Variants in OPCML observed in about 807,000 individuals in gnomAD.
OPCML encodes the protein opioid binding protein/cell adhesion molecule like.
In OPCML, 13 loss-of-function variants were observed where a neutral mutation model predicts 37.8. The ratio of observed to expected loss-of-function variants is 0.34; its 90% CI spans 0.22 to 0.55. The LOEUF is 0.55. OPCML is among the 20% of genes least tolerant of loss of function. The pLI is 0.91. For synonymous variants in OPCML, 176 were observed against 168.8 expected (o/e 1.04, Z -0.33); for missense variants, 341 against 435.6 (o/e 0.78, Z 1.93).
chr11:133,440,073 G>A, intron 1 of OPCML, among the ~76,000 whole-genome samples: 1 of 152,042 alleles, frequency 6.6e-6, no homozygotes, highest in African/African-American at 2.4e-5. Context: ...AGAAACAGAT[G>A]GAAAGTCTTT....
At chr11:132,500,154 C>T (rs1324644181) in intron 4 of OPCML, among the ~76,000 whole-genome samples, 1 of 152,136 alleles carries the variant, frequency 6.6e-6, no homozygotes, top group South Asian at 2.1e-4. Flanking sequence ...CATCAGTAGA[C>T]CATCATGCCT....
chr11:132,437,093 A>C (rs746290288), intron 5 of OPCML, 129 bp downstream of exon 5: 4 of 1,441,064 alleles, frequency 2.8e-6, no homozygotes, highest in Non-Finnish European at 3.7e-6. Context: ...GGGCAAAGCC[A>C]TCTGATGAAG....
chr11:133,308,158 C>G (rs184198676), intron 1 of OPCML, among the ~76,000 whole-genome samples: 55 of 152,240 alleles, frequency 3.6e-4, no homozygotes, highest in African/African-American at 1.3e-3. Context: ...ATAAACCTGA[C>G]TACCATGTGA....
At chr11:132,582,149 T>TGTGTGTGA (rs879738609) in intron 3 of OPCML, among the ~76,000 whole-genome samples, 59 of 129,748 alleles carry the variant, frequency 4.5e-4, no homozygotes, top group African/African-American at 1.4e-3. Context: ...TGTGTGTGTG[T>TGTGTGTGA]GAAACAGAGA....
chr11:132,452,859 A>T (rs932366135), intron 4 of OPCML, among the ~76,000 whole-genome samples: 5 of 152,188 alleles, frequency 3.3e-5, no homozygotes, highest in African/African-American at 1.2e-4. Context: ...TCAACCATGA[A>T]CACAAACATT....
At chr11:132,910,063 A>G (rs150036659) in intron 2 of OPCML, among the ~76,000 whole-genome samples, 1 of 152,322 alleles carries the variant, frequency 6.6e-6, no homozygotes, top group East Asian at 1.9e-4. Flanking sequence ...TTCCATCGAG[A>G]GAGTCGGTAC....
At position 133,398,428 on chromosome 11, in the gene OPCML, A is replaced by C. The variant is rs547530902; in HGVS notation, c.61+133836T>G. Among the ~76,000 whole-genome samples, 4 of 152,130 alleles carry C rather than the reference A, an allele frequency of 2.6e-5. No individual in the cohort carries two copies. The East Asian group carries it at 7.7e-4, about 29-fold the overall frequency. ...CAGTCAGGATATCTGTCTTCTTTAT[A>C]CTCTGGGCCTACTACAAAAGTCTGG... On this transcript the variant is annotated intron_variant, in intron 1 of 7. Coordinates refer to ENST00000524381, the MANE Select transcript of OPCML (RefSeq NM_001012393.5).
chr11:133,028,725 A>G (rs1216123219), intron 1 of OPCML, among the ~76,000 whole-genome samples: 1 of 152,136 alleles, frequency 6.6e-6, no homozygotes, highest in East Asian at 1.9e-4. Context: ...TGGATTAAAG[A>G]CTTAAAGGTA....
intron 1 of OPCML, among the ~76,000 whole-genome samples, chr11:133,034,917 G>T (rs1378848223): frequency 1.3e-5 from 2 of 152,120 alleles, no homozygotes; most frequent in Non-Finnish European, 2.9e-5. Context: ...CACCGGCAGA[G>T]ACATGTTCTC....
intron 1 of OPCML, among the ~76,000 whole-genome samples, chr11:133,073,170 A>G (rs1948566681): frequency 6.6e-6 from 1 of 152,182 alleles, no homozygotes; most frequent in Non-Finnish European, 1.5e-5. Flanking sequence ...CCCATTAGTC[A>G]TGGGTTCTTA....
At chr11:133,251,365 A>G (rs1941127648) in intron 1 of OPCML, among the ~76,000 whole-genome samples, 1 of 152,120 alleles carries the variant, frequency 6.6e-6, no homozygotes, top group African/African-American at 2.4e-5. Context: ...ATGATGTTGA[A>G]ATGGAGCCAA....
intron 4 of OPCML, among the ~76,000 whole-genome samples, chr11:132,458,389 T>A (rs2096089659): frequency 6.6e-6 from 1 of 152,178 alleles, no homozygotes; most frequent in Admixed American, 6.5e-5. Context: ...GACTTGCAGT[T>A]TAATTATGCA....
intron 3 of OPCML, among the ~76,000 whole-genome samples, chr11:132,618,095 T>C (rs189170027): frequency 1.3e-5 from 2 of 152,286 alleles, no homozygotes; most frequent in South Asian, 2.1e-4. Context: ...TATGCAGTTA[T>C]TCAGGAATAA....
intron 1 of OPCML, among the ~76,000 whole-genome samples, chr11:133,230,527 T>C (rs1403969760): frequency 6.6e-6 from 1 of 152,212 alleles, no homozygotes; most frequent in Non-Finnish European, 1.5e-5. Flanking sequence ...AGGTTTTCTC[T>C]CTAGTCCCCC....
At chr11:132,752,632 A>G (rs1422141526) in intron 2 of OPCML, among the ~76,000 whole-genome samples, 1 of 152,048 alleles carries the variant, frequency 6.6e-6, no homozygotes, top group Admixed American at 6.6e-5. Flanking sequence ...CCAAATCCTT[A>G]CAAAGAATTT....
At chr11:133,435,237 AG>A (rs1796350770) in intron 1 of OPCML, among the ~76,000 whole-genome samples, 1 of 152,198 alleles carries the variant, frequency 6.6e-6, no homozygotes, top group African/African-American at 2.4e-5. Flanking sequence ...TGAAGGTCTC[AG>A]GGTATATCGC....
At chr11:133,128,302 C>G (rs1349191359) in intron 1 of OPCML, among the ~76,000 whole-genome samples, 1 of 152,174 alleles carries the variant, frequency 6.6e-6, no homozygotes, top group African/African-American at 2.4e-5. Flanking sequence ...GCTCTTCTGA[C>G]AGTTGTCCTA....
At chr11:132,812,533 A>G (rs1939406039) in intron 2 of OPCML, among the ~76,000 whole-genome samples, 1 of 152,190 alleles carries the variant, frequency 6.6e-6, no homozygotes, top group African/African-American at 2.4e-5. Flanking sequence ...GACAGCAATT[A>G]GGAGGTTATT....
At chr11:132,773,240 A>C (rs1322880519) in intron 2 of OPCML, 1 of 152,116 alleles carries the variant, frequency 6.6e-6, no homozygotes, top group Admixed American at 6.5e-5. Flanking sequence ...AAAGGGGATT[A>C]ATCTCCGCAT....
Sources: gnomAD v4.1 joint callset for allele counts (sites outside exome capture counted in the v4.1 genomes callset) on GRCh38, gnomAD v4.1.1 for gene constraint, MANE v1.5 for transcripts, NCBI Gene and HGNC (gene_info 2026-07-23, HGNC 2026-07-21) for gene names.